ADAMTS20: variants seen among roughly 807,000 people sequenced by gnomAD.
The protein encoded by ADAMTS20 is ADAM metallopeptidase with thrombospondin type 1 motif 20, also known as A disintegrin and metalloproteinase with thrombospondin motifs 20.
In ADAMTS20, 225 loss-of-function variants were observed where a neutral mutation model predicts 260.1. The observed-to-expected ratio is 0.87, with a 90% confidence interval of 0.78 to 0.97. The LOEUF (loss-of-function observed/expected upper bound fraction) is 0.97, where lower values mean the gene tolerates loss of function less well. Ranked by LOEUF, ADAMTS20 falls within the 50% of genes least tolerant of loss-of-function variation. The pLI, the probability that ADAMTS20 is intolerant of heterozygous loss-of-function variation, is 0.00. For missense variants in ADAMTS20, 2,400 were observed against 2,337.7 expected (o/e 1.03, Z -0.55); for synonymous variants, 802 against 769.5 (o/e 1.04, Z -0.70).
intron 4 of ADAMTS20, among the ~76,000 whole-genome samples, chr12:43,495,470 T>G (rs1198279243): frequency 6.6e-6 from 1 of 152,198 alleles, no homozygotes; most frequent in Admixed American, 6.5e-5. Flanking sequence ...TGGCTATTGT[T>G]CTTATTGCTA....
intron 28 of ADAMTS20, among the ~76,000 whole-genome samples, chr12:43,424,274 G>A (rs1941289046): frequency 6.6e-6 from 1 of 151,878 alleles, no homozygotes; most frequent in Non-Finnish European, 1.5e-5. Flanking sequence ...TTTCAATATA[G>A]TTATATATTA....
chr12:43,488,438 C>T (rs1942555169), intron 7 of ADAMTS20, among the ~76,000 whole-genome samples: 2 of 152,136 alleles, frequency 1.3e-5, no homozygotes, highest in African/African-American at 4.8e-5. Flanking sequence ...AGAATTTCCA[C>T]TGCCTTGTTG....
At chr12:43,367,713 T>G (rs879871943) in intron 37 of ADAMTS20, among the ~76,000 whole-genome samples, 2 of 151,944 alleles carry the variant, frequency 1.3e-5, no homozygotes, top group Admixed American at 1.3e-4. Context: ...ATAAAGAAAT[T>G]AAAGATATCT....
intron 28 of ADAMTS20, among the ~76,000 whole-genome samples, chr12:43,422,661 AT>A (rs1941258029): frequency 6.6e-6 from 1 of 152,090 alleles, no homozygotes; most frequent in Admixed American, 6.5e-5. Flanking sequence ...CATTCAACTT[AT>A]CAAAAAAATA....
At chr12:43,454,190 T>C (rs1207371555) in intron 11 of ADAMTS20, 138 bp from the exon 12 acceptor site, 13 of 957,850 alleles carry the variant, frequency 1.4e-5, no homozygotes, top group Admixed American at 9.6e-5. Context: ...TCAGATTACA[T>C]TTGAAATGAT....
intron 4 of ADAMTS20, 115 bp from the exon 5 acceptor site, chr12:43,493,368 G>A (rs1202842455): frequency 1.4e-6 from 1 of 714,754 alleles, no homozygotes; most frequent in South Asian, 1.8e-5. Flanking sequence ...TAGGAATCTT[G>A]GAATCTCTTA....
chr12:43,540,030 T>G (rs544684139), intron 2 of ADAMTS20, among the ~76,000 whole-genome samples: 163 of 152,148 alleles, frequency 1.1e-3, no homozygotes, highest in African/African-American at 3.7e-3. Flanking sequence ...CTACAGGCGC[T>G]TGCCACCATG....
chr12:43,434,167 G>T (rs139068295), intron 19 of ADAMTS20, 78 bp downstream of exon 19: 6 of 1,410,442 alleles, frequency 4.3e-6, no homozygotes, highest in Non-Finnish European at 5.7e-6. Flanking sequence ...TGTCCATGCT[G>T]TGTCAGTCAC....
intron 7 of ADAMTS20, among the ~76,000 whole-genome samples, chr12:43,483,287 G>A (rs534646221): frequency 7.2e-5 from 11 of 152,284 alleles, no homozygotes; most frequent in African/African-American, 2.6e-4. Flanking sequence ...AATTCTAGGG[G>A]GAAGGGGAGT....
chr12:43,381,859 C>T (rs1190785119), intron 31 of ADAMTS20, among the ~76,000 whole-genome samples: 3 of 131,970 alleles, frequency 2.3e-5, no homozygotes, highest in African/African-American at 8.6e-5. Flanking sequence ...ATACCTAAAA[C>T]ACACACAAAA....
intron 3 of ADAMTS20, among the ~76,000 whole-genome samples, chr12:43,513,207 C>T (rs1002076152): frequency 6.6e-6 from 1 of 152,160 alleles, no homozygotes; most frequent in Admixed American, 6.5e-5. Flanking sequence ...CATTCTACCT[C>T]CTCCCACTAT....
chr12:43,463,381 G>C (rs1020317628), intron 10 of ADAMTS20, among the ~76,000 whole-genome samples: 1 of 152,042 alleles, frequency 6.6e-6, no homozygotes. Flanking sequence ...TGGAATGTAT[G>C]AATAATCTGC....
intron 3 of ADAMTS20, among the ~76,000 whole-genome samples, chr12:43,514,538 G>T (rs1197172082): frequency 8.8e-6 from 1 of 113,170 alleles, no homozygotes; most frequent in African/African-American, 3.5e-5. Flanking sequence ...CTCTAGGCCG[G>T]TGACAGAGTG....
intron 3 of ADAMTS20, among the ~76,000 whole-genome samples, chr12:43,513,526 G>A (rs1431866539): frequency 2.0e-5 from 3 of 152,056 alleles, no homozygotes; most frequent in Admixed American, 6.6e-5. Context: ...TCTAGAACTA[G>A]AAATACCATT....
chr12:43,361,907 T>C (rs1218376848), intron 37 of ADAMTS20, among the ~76,000 whole-genome samples: 1 of 152,244 alleles, frequency 6.6e-6, no homozygotes, highest in Admixed American at 6.5e-5. Context: ...CTCCTGTGAT[T>C]TTCTTGATGT....
chr12:43,390,656 G>A (rs1029981759), intron 29 of ADAMTS20, among the ~76,000 whole-genome samples: 3 of 152,126 alleles, frequency 2.0e-5, no homozygotes, highest in Non-Finnish European at 2.9e-5. Context: ...TGCCACTTTC[G>A]AGCAAGCATG....
intron 3 of ADAMTS20, among the ~76,000 whole-genome samples, chr12:43,521,475 C>A (rs1237395836): frequency 6.6e-6 from 1 of 152,118 alleles, no homozygotes; most frequent in Non-Finnish European, 1.5e-5. Flanking sequence ...TCAGGAAATT[C>A]TCTTCAATTT....
intron 28 of ADAMTS20, among the ~76,000 whole-genome samples, chr12:43,418,933 T>C (rs1308752335): frequency 1.3e-5 from 2 of 152,190 alleles, no homozygotes; most frequent in Non-Finnish European, 2.9e-5. Context: ...TATTTGGAGG[T>C]ATTTTGTGAG....
intron 2 of ADAMTS20, among the ~76,000 whole-genome samples, chr12:43,535,054 A>G (rs914859894): frequency 2.0e-5 from 3 of 152,086 alleles, no homozygotes; most frequent in Non-Finnish European, 4.4e-5. Context: ...TTCCTTGACC[A>G]GTTTTCTAGG....
Sources: gnomAD v4.1 joint callset for allele counts (sites outside exome capture counted in the v4.1 genomes callset) on GRCh38, gnomAD v4.1.1 for gene constraint, MANE v1.5 for transcripts, NCBI Gene and HGNC (gene_info 2026-07-23, HGNC 2026-07-21) for gene names.